The following DNAH12 variants were observed in gnomAD, a reference collection of about 807,000 sequenced individuals.
DNAH12 encodes the protein axonemal beta dynein heavy chain 12.
DNAH12 carries 285 observed loss-of-function variants against 371.5 expected under a neutral mutation model. That is an observed-to-expected ratio of 0.77 (90% CI 0.70 to 0.85). The LOEUF (loss-of-function observed/expected upper bound fraction) is 0.85. Ranked by LOEUF, DNAH12 falls within the 40% of genes least tolerant of loss-of-function variation. DNAH12 has a pLI of 0.00. For synonymous variants in DNAH12, 1,200 were observed against 1,213.0 expected (o/e 0.99, Z 0.22); for missense variants, 3,611 against 3,689.4 (o/e 0.98, Z 0.55).
intron 69 of DNAH12, among the ~76,000 whole-genome samples, chr3:57,303,018 C>G (rs1364499413): frequency 1.3e-5 from 2 of 151,848 alleles, no homozygotes; most frequent in Non-Finnish European, 2.9e-5. Context: ...TAACAGATCT[C>G]TTTTCATCAT....
At chr3:57,370,184 G>A (rs2063139896) in intron 55 of DNAH12, among the ~76,000 whole-genome samples, 1 of 151,228 alleles carries the variant, frequency 6.6e-6, no homozygotes, top group Non-Finnish European at 1.5e-5. Flanking sequence ...ACTAAAAAAG[G>A]AACAGACTAT....
At chr3:57,491,098 A>C (rs2153385940) in intron 11 of DNAH12, among the ~76,000 whole-genome samples, 1 of 148,856 alleles carries the variant, frequency 6.7e-6, no homozygotes, top group South Asian at 2.2e-4. Flanking sequence ...AAAAAAAAAA[A>C]AAACAACAAA....
chr3:57,422,348 C>A (rs888558758), intron 35 of DNAH12, among the ~76,000 whole-genome samples: 3 of 152,198 alleles, frequency 2.0e-5, no homozygotes, highest in Admixed American at 6.5e-5. Flanking sequence ...CTGCCTCAGC[C>A]TCCCGAGTAG....
At chr3:57,391,714 T>G (rs2153347250) in intron 45 of DNAH12, among the ~76,000 whole-genome samples, 158 bp downstream of exon 45, 1 of 152,340 alleles carries the variant, frequency 6.6e-6, no homozygotes, top group East Asian at 1.9e-4. Context: ...GAGGATCATG[T>G]AGTCTTATCA....
intron 4 of DNAH12, among the ~76,000 whole-genome samples, chr3:57,512,897 G>C (rs1311684887): frequency 1.3e-5 from 2 of 152,070 alleles, no homozygotes; most frequent in Admixed American, 6.6e-5. Context: ...CCAACACTTT[G>C]GGAGGCCGAG....
At chr3:57,490,126 A>AGAAT (rs2067067219) in intron 11 of DNAH12, among the ~76,000 whole-genome samples, 1 of 152,154 alleles carries the variant, frequency 6.6e-6, no homozygotes, top group South Asian at 2.1e-4. Flanking sequence ...TTCTAATTCA[A>AGAAT]CCTTTAGGAA....
chr3:57,415,663 A>G (rs2064350155), intron 37 of DNAH12, 99 bp from the exon 38 acceptor site: 2 of 1,185,810 alleles, frequency 1.7e-6, no homozygotes, highest in Admixed American at 7.1e-5. Flanking sequence ...TAAGAATCAA[A>G]TCATCTTCAT....
At chr3:57,311,064 T>C in intron 66 of DNAH12, 114 bp from the exon 67 acceptor site, 4 of 776,182 alleles carry the variant, frequency 5.2e-6, no homozygotes, top group Non-Finnish European at 6.2e-6. Flanking sequence ...TCATGAGTTG[T>C]CTTTCGGTAG....
In DNAH12 at chr3:57,542,751, C is replaced by T. The variant is rs1418018350; in HGVS notation, c.120G>A (p.Leu40=). 2 of 1,609,652 alleles carry T rather than the reference C, an allele frequency of 1.2e-6. No homozygotes were observed. The highest frequency in any genetic ancestry group is 1.7e-6 in the Non-Finnish European group (2 of 1,177,992). The change falls in exon 2 of 74, where the codon CTG becomes CTA. Residue 40 remains leucine (L), a synonymous_variant. Coordinates refer to ENST00000495027, the MANE Select transcript of DNAH12 (RefSeq NM_001366028.2). ...GCTCCTTGGATCTTCTGTATTTTAG[C>T]AGCTTACTTTGTGTTGGTGTATCAA... ...IGVDTPTQSK[L]LKYRRSKEQQ...
At chr3:57,428,093 TA>T (rs1172674435) in intron 34 of DNAH12, among the ~76,000 whole-genome samples, 1 of 152,076 alleles carries the variant, frequency 6.6e-6, no homozygotes, top group Non-Finnish European at 1.5e-5. Flanking sequence ...CATGCCCGGC[TA>T]ATTTTTATAT....
At chr3:57,446,751 T>C (rs1214521579) in intron 25 of DNAH12, 62 bp from the exon 26 acceptor site, 3 of 1,367,814 alleles carry the variant, frequency 2.2e-6, no homozygotes, top group Non-Finnish European at 2.9e-6. Flanking sequence ...CAACAGACAC[T>C]TGTTTACCAA....
chr3:57,383,505 CT>C (rs1471289137), intron 49 of DNAH12, among the ~76,000 whole-genome samples: 6 of 119,736 alleles, frequency 5.0e-5, no homozygotes, highest in African/African-American at 2.0e-4. Context: ...CTCTTAAAGG[CT>C]TTGTCAAACT....
chr3:57,544,562 T>C (rs946020197), upstream of DNAH12, among the ~76,000 whole-genome samples: 1 of 152,186 alleles, frequency 6.6e-6, no homozygotes, highest in African/African-American at 2.4e-5. Context: ...ACCAGGAAAT[T>C]AGAATCTTCA....
At chr3:57,482,741 C>G (rs2066787806) in intron 13 of DNAH12, among the ~76,000 whole-genome samples, 1 of 151,642 alleles carries the variant, frequency 6.6e-6, no homozygotes, top group African/African-American at 2.4e-5. Flanking sequence ...ACTATGCAGC[C>G]ATAAAAAAGG....
intron 59 of DNAH12, among the ~76,000 whole-genome samples, chr3:57,353,567 A>G (rs1170151666): frequency 6.6e-6 from 1 of 152,238 alleles, no homozygotes; most frequent in Non-Finnish European, 1.5e-5. Flanking sequence ...ACAGCAAAAG[A>G]AACTATCAAC....
chr3:57,541,338 C>T (rs1334030389), intron 2 of DNAH12, among the ~76,000 whole-genome samples: 1 of 152,084 alleles, frequency 6.6e-6, no homozygotes, highest in African/African-American at 2.4e-5. Context: ...CTGCACCCGG[C>T]CTCTCTTTTT....
intron 55 of DNAH12, among the ~76,000 whole-genome samples, chr3:57,373,029 T>C (rs1179452809): frequency 6.6e-6 from 1 of 152,140 alleles, no homozygotes; most frequent in African/African-American, 2.4e-5. Flanking sequence ...GCTATCATTA[T>C]AAAAATAAAT....
chr3:57,377,270 G>GATATCT (rs1327131616), intron 52 of DNAH12, 48 bp from the exon 53 acceptor site: 11 of 152,126 alleles, frequency 7.2e-5, no homozygotes, highest in African/African-American at 2.4e-4. Flanking sequence ...TTGTAAAACT[G>GATATCT]ATATCTATAT....
intron 59 of DNAH12, 123 bp from the exon 60 acceptor site, chr3:57,352,348 C>T (rs1021171642): frequency 9.8e-7 from 1 of 1,018,218 alleles, no homozygotes; most frequent in Non-Finnish European, 1.4e-6. Flanking sequence ...TAAAGATACA[C>T]ACACGAGGGC....
Sources: allele counts gnomAD v4.1 joint callset (sites outside exome capture counted in the v4.1 genomes callset), GRCh38; gene constraint gnomAD v4.1.1; transcripts MANE v1.5; gene names NCBI Gene and HGNC (gene_info 2026-07-23, HGNC 2026-07-21).